Variants in SPAG17 observed in about 807,000 individuals in gnomAD.
SPAG17 encodes the protein sperm associated antigen 17.
In SPAG17, 169 loss-of-function variants were observed where a neutral mutation model predicts 273.6. That is an observed-to-expected ratio of 0.62 (90% CI 0.55 to 0.70). The LOEUF is 0.70. SPAG17 is among the 30% of genes least tolerant of loss of function. The probability of loss-of-function intolerance (pLI) is 0.00; values close to 1 mark genes in which losing one functional copy is unlikely to be tolerated. For synonymous variants in SPAG17, 825 were observed against 873.2 expected (o/e 0.94, Z 0.97); for missense variants, 2,557 against 2,627.8 (o/e 0.97, Z 0.59).
At chr1:117,960,109 C>CGT (rs3059173) in intron 48 of SPAG17, 43,351 of 144,170 alleles carry the variant, frequency 0.3, 6,813 homozygotes, top group East Asian at 0.61. Flanking sequence ...TTAATACACT[C>CGT]GTGTGTGTGT....
intron 43 of SPAG17, 51 bp from the exon 44 acceptor site, chr1:117,973,612 C>T (rs753310817): frequency 6.4e-7 from 1 of 1,559,274 alleles, no homozygotes; most frequent in Non-Finnish European, 8.7e-7. Context: ...TATTCAAACA[C>T]ATTTGAAGTA....
chr1:118,036,052 G>A (rs933054286), intron 24 of SPAG17, among the ~76,000 whole-genome samples: 11 of 152,130 alleles, frequency 7.2e-5, no homozygotes, highest in Non-Finnish European at 8.8e-5. Flanking sequence ...GCCAGGTGTG[G>A]TGGCATGCAC....
chr1:118,146,445 T>C (rs1658995772), intron 3 of SPAG17, among the ~76,000 whole-genome samples: 2 of 152,246 alleles, frequency 1.3e-5, no homozygotes, highest in Non-Finnish European at 2.9e-5. Context: ...ATCTAAACCA[T>C]GTACTTTTTC....
chr1:118,031,685 C>A lies in SPAG17; in HGVS notation c.3609+7G>T. The A allele has an allele frequency of 6.2e-7, 1 of 1,611,876 alleles. No individual in the cohort carries two copies. Among genetic ancestry groups the A allele is most frequent in the South Asian group, 1.1e-5 (1 of 90,774 alleles). The stretch of plus-strand genomic sequence containing the variant: ...GAGTTTGGGAATCTATGGCAAGGTT[C>A]ATTTACCTTTTTCTCTTCTTCTTTT... On this transcript the variant is annotated splice_region_variant and intron_variant, in intron 25 of 48. Transcript: ENST00000336338.
intron 1 of SPAG17, among the ~76,000 whole-genome samples, chr1:118,164,777 T>C (rs1311796771): frequency 6.6e-6 from 1 of 152,252 alleles, no homozygotes; most frequent in African/African-American, 2.4e-5. Context: ...TCTTCATTAC[T>C]TTTCTAAACT....
intron 2 of SPAG17, 37 bp from the exon 3 acceptor site, chr1:118,150,666 C>A: frequency 8.1e-7 from 1 of 1,232,542 alleles, no homozygotes; most frequent in Non-Finnish European, 1.2e-6. Context: ...ATGAAAAAAG[C>A]CTTATTTGAA....
chr1:118,129,831 CTCT>C (rs1013502414), intron 3 of SPAG17, among the ~76,000 whole-genome samples: 2 of 149,998 alleles, frequency 1.3e-5, no homozygotes, highest in African/African-American at 2.5e-5. Flanking sequence ...CCTCCTCTTC[CTCT>C]TCTTCTTCCA....
Position 118,042,082 on chromosome 1 carries a change from G to A in SPAG17, c.2815-40C>T, listed in dbSNP as rs182091325. The A allele has an allele frequency of 3.7e-5, 58 of 1,585,880 alleles. No individual in the cohort carries two copies. In the East Asian group the frequency reaches 8.7e-4, roughly 24 times the overall value. On this transcript the variant is annotated intron_variant, in intron 20 of 48. Transcript: ENST00000336338. Reference sequence around the variant, plus strand: ...AAGAAATTTAACAGGATTTTTAAACGAATTAAACATAGGTTCCATTCAGGT... The same window carrying A: ...AAGAAATTTAACAGGATTTTTAAACAAATTAAACATAGGTTCCATTCAGGT...
chr1:118,023,164 A>ATATG (rs1265950983), intron 28 of SPAG17, 140 bp downstream of exon 28: 9 of 501,712 alleles, frequency 1.8e-5, no homozygotes, highest in South Asian at 1.2e-4. Context: ...GAATTCATTT[A>ATATG]TATGTATGTA....
At chr1:118,074,656 T>C in intron 15 of SPAG17, 56 bp from the exon 16 acceptor site, 1 of 1,458,162 alleles carries the variant, frequency 6.9e-7, no homozygotes, top group Non-Finnish European at 9.6e-7. Flanking sequence ...CTTGCCCTGC[T>C]GGTTAATGCT....
At chr1:118,032,577 T>G (rs1484814996) in intron 24 of SPAG17, among the ~76,000 whole-genome samples, 1 of 151,566 alleles carries the variant, frequency 6.6e-6, no homozygotes, top group Non-Finnish European at 1.5e-5. Flanking sequence ...CCCCTAAATG[T>G]TTTTATTTAT....
chr1:118,099,710 A>G lies in SPAG17; in HGVS notation c.725T>C (p.Ile242Thr), dbSNP rs1655938666. ...TATTTTAATCACGCTGGTTATAGGAATGCCAAGCTCAGCCATAATTGCTAA... is the reference window on the plus strand; with the variant it reads ...TATTTTAATCACGCTGGTTATAGGAGTGCCAAGCTCAGCCATAATTGCTAA... ...QLLAIMAELG[I>T]PITSVIKISS... The change falls in exon 6 of 49, where the codon ATT becomes ACT. Residue 242 changes from isoleucine to threonine, a missense_variant. Coordinates refer to ENST00000336338, the MANE Select transcript of SPAG17 (RefSeq NM_206996.4). 6.2e-7 allele frequency: 1 copy of G among 1,613,820 alleles called. No individual in the cohort carries two copies. The highest frequency in any genetic ancestry group is 8.5e-7 in the Non-Finnish European group (1 of 1,179,934).
intron 1 of SPAG17, among the ~76,000 whole-genome samples, chr1:118,163,230 G>C (rs1002315325): frequency 2.0e-5 from 3 of 152,170 alleles, no homozygotes; most frequent in Non-Finnish European, 4.4e-5. Context: ...TTTAGTAGAG[G>C]AAACAGATAT....
Position 117,970,126 on chromosome 1 carries a change from A to G in SPAG17, c.6327-10T>C. Reference sequence around the variant, plus strand: ...CTGCTTTACTTTAAACCTACAAGGCAGAAAGATAAAAATAAATTTATGACA... The same window carrying G: ...CTGCTTTACTTTAAACCTACAAGGCGGAAAGATAAAAATAAATTTATGACA... On this transcript the variant is annotated splice_polypyrimidine_tract_variant and intron_variant, in intron 45 of 48. Transcript: ENST00000336338. 1 of 1,607,904 alleles carries G rather than the reference A, an allele frequency of 6.2e-7. No homozygotes were observed. Among genetic ancestry groups the G allele is most frequent in the Non-Finnish European group, 8.5e-7 (1 of 1,178,158 alleles).
At position 118,005,398 on chromosome 1, in the gene SPAG17, C is replaced by T; in HGVS notation, c.4776+16G>A. The T allele has an allele frequency of 1.3e-6, 2 of 1,588,136 alleles. No homozygotes were observed. Among genetic ancestry groups the T allele is most frequent in the Non-Finnish European group, 1.7e-6 (2 of 1,167,820 alleles). On this transcript the variant is annotated intron_variant, in intron 32 of 48. Transcript: ENST00000336338. ...AAAGCCACAGGCTCTCTCTCCATAC[C>T]AAAGGTGCACTTTACCTGAAAAGTG... is the stretch of plus-strand genomic sequence containing the variant.
intron 3 of SPAG17, among the ~76,000 whole-genome samples, chr1:118,145,863 C>T (rs1055336389): frequency 1.3e-5 from 2 of 151,948 alleles, no homozygotes; most frequent in African/African-American, 2.4e-5. Context: ...AACTTTTATT[C>T]TTTATAGACA....
chr1:118,016,125 G>A lies in SPAG17; in HGVS notation c.4127C>T (p.Pro1376Leu), dbSNP rs755490438. ...AGTTACAGTTTGAACTGCCTCTGGA[G>A]GAGGGTCATGGATTTCACCCTTATG... ...MAHKGEIHDP[P>L]PEAVQTVTPV... is the part of the protein sequence containing the mutation. Residue 1376 changes from proline (P) to leucine (L), a missense_variant, in exon 29 of 49, where the codon CCT (proline) becomes CTT (leucine). Transcript: ENST00000336338. 3.7e-6 allele frequency: 6 copies of A among 1,614,040 alleles called. No individual in the cohort carries two copies. Among genetic ancestry groups the A allele is most frequent in the Non-Finnish European group, 4.2e-6 (5 of 1,179,934 alleles).
In SPAG17 at chr1:118,081,647, A is replaced by G. The variant is rs775166390; in HGVS notation, c.1763-5T>C. The stretch of plus-strand genomic sequence containing the variant: ...CTTCATTCCAGCTCAAGACATCTGT[A>G]AGAAAGCAGAACCAGTGCTGCTGGA... On this transcript the variant is annotated splice_region_variant and splice_polypyrimidine_tract_variant and intron_variant, in intron 13 of 48. Transcript: ENST00000336338. 1.2e-6 allele frequency: 2 copies of G among 1,611,734 alleles called. No homozygotes were observed. Among genetic ancestry groups the G allele is most frequent in the East Asian group, 4.5e-5 (2 of 44,844 alleles).
chr1:117,973,789 G>A (rs546732243), intron 43 of SPAG17, among the ~76,000 whole-genome samples: 5 of 152,182 alleles, frequency 3.3e-5, no homozygotes, highest in African/African-American at 1.2e-4. Flanking sequence ...AGTGAACATA[G>A]TATGCGATAG....
Sources: gnomAD v4.1 joint callset for allele counts (sites outside exome capture counted in the v4.1 genomes callset) on GRCh38, gnomAD v4.1.1 for gene constraint, MANE v1.5 for transcripts, NCBI Gene and HGNC (gene_info 2026-07-23, HGNC 2026-07-21) for gene names.